WWOX: variants seen among roughly 807,000 people sequenced by gnomAD.
WWOX encodes WW domain containing oxidoreductase.
WWOX carries 69 observed loss-of-function variants against 46.2 expected under a neutral mutation model. The observed-to-expected ratio is 1.49, with a 90% CI of 1.23 to 1.82. The LOEUF (loss-of-function observed/expected upper bound fraction) is 1.82. Ranked by LOEUF, WWOX falls within the 40% of genes most tolerant of loss-of-function variation. WWOX has a pLI of 0.00. For synonymous variants in WWOX, 359 were observed against 202.6 expected (o/e 1.77, Z -6.56); for missense variants, 919 against 542.6 (o/e 1.69, Z -6.89).
chr16:78,636,562 C>G (rs564252915), intron 8 of WWOX, among the ~76,000 whole-genome samples: 1 of 152,228 alleles, frequency 6.6e-6, no homozygotes, highest in Non-Finnish European at 1.5e-5. Context: ...ATTCTCAGTC[C>G]TTTTGCTTAC....
At chr16:79,034,696 A>G (rs907213903) in intron 8 of WWOX, among the ~76,000 whole-genome samples, 1 of 151,294 alleles carries the variant, frequency 6.6e-6, no homozygotes, top group East Asian at 1.9e-4. Flanking sequence ...TTTTCAAAGC[A>G]CTTAATTATT....
intron 8 of WWOX, among the ~76,000 whole-genome samples, chr16:78,838,048 G>A (rs1390398711): frequency 6.6e-6 from 1 of 152,132 alleles, no homozygotes; most frequent in African/African-American, 2.4e-5. Context: ...CACAGTTAGA[G>A]GCCAGGAACC....
chr16:78,269,611 T>G (rs193257044), intron 5 of WWOX, among the ~76,000 whole-genome samples: 1 of 152,342 alleles, frequency 6.6e-6, no homozygotes, highest in African/African-American at 2.4e-5. Flanking sequence ...TATCTAAAAT[T>G]TATTAGCCAA....
At chr16:78,911,624 G>C (rs1477637069) in intron 8 of WWOX, among the ~76,000 whole-genome samples, 1 of 152,022 alleles carries the variant, frequency 6.6e-6, no homozygotes, top group Admixed American at 6.6e-5. Flanking sequence ...CCAACACTTT[G>C]GGAAGCTGAG....
rs937913299 is a variant in WWOX at position 78,721,815 on chromosome 16, G to C, written c.1056+289063G>C. Among the ~76,000 whole-genome samples, 3 of 152,270 alleles carry C rather than the reference G, an allele frequency of 2.0e-5. No individual in the cohort carries two copies. In the South Asian group the frequency reaches 6.2e-4, roughly 32 times the overall value. ...AGATACCCCCGACTTCCTTTCCTAC[G>C]AATAAAGAGGCCCAACTTTTTGTCC... On this transcript the variant is annotated intron_variant, in intron 8 of 8. Transcript: ENST00000566780.
chr16:78,606,002 C>G (rs1446293782), intron 8 of WWOX, among the ~76,000 whole-genome samples: 6 of 152,270 alleles, frequency 3.9e-5, no homozygotes, highest in African/African-American at 2.4e-5. Flanking sequence ...TGCAGCTTCT[C>G]GAATGCCTAT....
intron 8 of WWOX, among the ~76,000 whole-genome samples, chr16:78,703,243 T>G (rs1209356114): frequency 2.6e-5 from 4 of 152,120 alleles, no homozygotes; most frequent in Admixed American, 2.6e-4. Flanking sequence ...ACTACCCACA[T>G]TCACCCCGGC....
Position 78,346,707 on chromosome 16 carries a change from A to G in WWOX, c.517-40153A>G, listed in dbSNP as rs563725102. 1.9e-3 allele frequency among the ~76,000 whole-genome samples: 226 copies of G among 118,464 alleles called. 78 individuals are homozygous for G. The highest frequency in any genetic ancestry group is 4.1e-3 in the Non-Finnish European group (202 of 49,792). The allele number at this position is 118,464 out of a possible 152,430, so 77.7% of individuals were successfully genotyped here. On this transcript the variant is annotated intron_variant, in intron 5 of 8. Transcript: ENST00000566780. ...TTATTGCTCATATCTATGTTATTTT[A>G]TTATTTACTTTTTTTGAGATGGAGT...
chr16:78,745,242 C>G (rs570791853), intron 8 of WWOX, among the ~76,000 whole-genome samples: 33 of 152,300 alleles, frequency 2.2e-4, no homozygotes, highest in African/African-American at 6.7e-4. Flanking sequence ...TGTTGGTGGA[C>G]TGATTGATTA....
At chr16:78,777,991 G>C (rs1028564452) in intron 8 of WWOX, among the ~76,000 whole-genome samples, 6 of 144,300 alleles carry the variant, frequency 4.2e-5, no homozygotes, top group Non-Finnish European at 6.0e-5. Flanking sequence ...GTTGTAGTGA[G>C]CCAAGATCGC....
chr16:78,846,953 C>T (rs749243627), intron 8 of WWOX, among the ~76,000 whole-genome samples: 15 of 152,184 alleles, frequency 9.9e-5, no homozygotes, highest in Non-Finnish European at 1.8e-4. Flanking sequence ...GGTCATAATA[C>T]GACAGTATTG....
At chr16:78,988,770 G>A (rs1435296856) in intron 8 of WWOX, among the ~76,000 whole-genome samples, 5 of 152,178 alleles carry the variant, frequency 3.3e-5, no homozygotes, top group Admixed American at 1.3e-4. Flanking sequence ...GAGAAAGACC[G>A]GTGGCTGTAG....
At chr16:78,673,667 C>T (rs922303211) in intron 8 of WWOX, among the ~76,000 whole-genome samples, 4 of 152,298 alleles carry the variant, frequency 2.6e-5, no homozygotes, top group South Asian at 4.1e-4. Flanking sequence ...GCCACCATTA[C>T]GAAGCCTAAA....
intron 8 of WWOX, among the ~76,000 whole-genome samples, chr16:78,456,915 C>T (rs946473448): frequency 6.6e-6 from 1 of 152,230 alleles, no homozygotes; most frequent in South Asian, 2.1e-4. Context: ...GTTGGCTGAT[C>T]ACCCTTATGA....
intron 8 of WWOX, among the ~76,000 whole-genome samples, chr16:78,957,789 G>T (rs1029457225): frequency 6.6e-6 from 1 of 152,196 alleles, no homozygotes; most frequent in Non-Finnish European, 1.5e-5. Flanking sequence ...GGACTCTCTT[G>T]TCCTGTTTTA....
At chr16:78,444,640 C>T (rs571404382) in intron 8 of WWOX, among the ~76,000 whole-genome samples, 1 of 151,512 alleles carries the variant, frequency 6.6e-6, no homozygotes, top group East Asian at 2.0e-4. Context: ...AAGCAATTCT[C>T]CTGCCTCAGA....
intron 8 of WWOX, among the ~76,000 whole-genome samples, chr16:78,842,303 G>C (rs1486387317): frequency 6.7e-6 from 1 of 150,142 alleles, no homozygotes; most frequent in Non-Finnish European, 1.5e-5. Context: ...AGACCAGTCT[G>C]GGCAACATAG....
intron 8 of WWOX, among the ~76,000 whole-genome samples, chr16:78,851,918 C>G (rs780537485): frequency 1.3e-5 from 2 of 152,198 alleles, no homozygotes; most frequent in Non-Finnish European, 2.9e-5. Flanking sequence ...TCATGCCCAT[C>G]TTCAGCATCA....
At chr16:78,689,389 G>A (rs1415350861) in intron 8 of WWOX, among the ~76,000 whole-genome samples, 1 of 152,190 alleles carries the variant, frequency 6.6e-6, no homozygotes, top group Non-Finnish European at 1.5e-5. Flanking sequence ...GTCCCATAAT[G>A]TTCTGGGGCA....
Sources: gnomAD v4.1 joint callset for allele counts (sites outside exome capture counted in the v4.1 genomes callset) on GRCh38, gnomAD v4.1.1 for gene constraint, MANE v1.5 for transcripts, NCBI Gene and HGNC (gene_info 2026-07-23, HGNC 2026-07-21) for gene names.